Variants in KDM1B observed in about 807,000 individuals in gnomAD.
The protein encoded by KDM1B is lysine-specific histone demethylase 2.
KDM1B carries 63 observed loss-of-function variants against 107.4 expected under a neutral mutation model. The observed-to-expected ratio is 0.59, with a 90% CI of 0.48 to 0.72. The LOEUF is 0.72. Ranked by LOEUF, KDM1B falls within the 30% of genes least tolerant of loss-of-function variation. The probability of loss-of-function intolerance (pLI) is 0.00; values close to 1 mark genes in which losing one functional copy is unlikely to be tolerated. For synonymous variants in KDM1B, 363 were observed against 363.9 expected, an observed-to-expected ratio of 1.00 and a Z score of 0.03; for missense variants, 749 against 1,020.8, an observed-to-expected ratio of 0.73 and a Z score of 3.63.
At chr6:18,207,561 G>T in intron 16 of KDM1B, 32 bp downstream of exon 16, 1 of 1,612,216 alleles carries the variant, frequency 6.2e-7, no homozygotes, top group Non-Finnish European at 8.5e-7. Flanking sequence ...GCTCTGGCTC[G>T]CCTTGTTTGG....
chr6:18,185,696 C>T lies in KDM1B; in HGVS notation c.535-76C>T. ...CAGCCTGATAGGTGAAAAGAGATAT[C>T]TTATTGAAGATAAATGGATACCTGA... On this transcript the variant is annotated intron_variant, in intron 7 of 21. Transcript: ENST00000650836. 4 of 1,251,456 alleles carry T rather than the reference C, an allele frequency of 3.2e-6. No homozygotes were observed. The Admixed American group carries it at 6.8e-5, about 21-fold the overall frequency. 77.5% of individuals were successfully genotyped at this position (1,251,456 alleles called of 1,614,324 possible).
rs543621089 is a variant in KDM1B at position 18,188,774 on chromosome 6, T to G, written c.784+772T>G. ...GACTCCAAGCACGTGCCACTACAGC[T>G]GGTTAATTTTTTTTTTTTTTTCTTT... is the stretch of plus-strand genomic sequence containing the variant. On this transcript the variant is annotated intron_variant, in intron 9 of 21. Transcript: ENST00000650836. 2.7e-3 allele frequency among the ~76,000 whole-genome samples: 356 copies of G among 133,012 alleles called. 1 individual carries two copies. The highest frequency in any genetic ancestry group is 9.7e-3 in the African/African-American group (336 of 34,684). 87.3% of individuals were successfully genotyped at this position (133,012 alleles called of 152,430 possible). A position where few individuals can be genotyped will look rare whatever the true frequency, so the allele number is the denominator to read the frequency against.
At chr6:18,215,788 G>A (rs182568345) in intron 20 of KDM1B, among the ~76,000 whole-genome samples, 13 of 140,316 alleles carry the variant, frequency 9.3e-5, no homozygotes, top group Admixed American at 6.7e-4. Flanking sequence ...TATTTTCTAC[G>A]TGGATTCTAT....
intron 3 of KDM1B, 129 bp downstream of exon 3, chr6:18,160,111 A>G (rs1385581771): frequency 1.6e-6 from 1 of 618,146 alleles, no homozygotes; most frequent in African/African-American, 1.9e-5. Context: ...AGAAATTCTC[A>G]GTACGGTCAT....
rs200055755 is a variant in KDM1B at position 18,200,432 on chromosome 6, T to A, written c.1222-7T>A. 5.0e-5 allele frequency: 80 copies of A among 1,613,070 alleles called. No homozygotes were observed. The East Asian group carries it at 1.8e-3, about 36-fold the overall frequency. ...TATTTAGCTTCCCTGACTGTCTGTC[T>A]TTTTAGGTGACTGTCCTGGAAGCCA... is the stretch of plus-strand genomic sequence containing the variant. On this transcript the variant is annotated splice_region_variant and splice_polypyrimidine_tract_variant and intron_variant, in intron 12 of 21. Transcript: ENST00000650836. The surrounding 1 kb of genome is among the most constrained non-coding windows in gnomAD (Gnocchi z 4.3).
intron 10 of KDM1B, among the ~76,000 whole-genome samples, chr6:18,195,656 A>G (rs1787593381): frequency 6.7e-6 from 1 of 148,642 alleles, no homozygotes; most frequent in Non-Finnish European, 1.5e-5. Context: ...AATCATTTGA[A>G]CCCGGGAGGC....
intron 21 of KDM1B, among the ~76,000 whole-genome samples, chr6:18,220,977 C>T (rs1043192176): frequency 1.3e-5 from 2 of 151,934 alleles, no homozygotes; most frequent in African/African-American, 4.8e-5. Flanking sequence ...TCTTGAACTC[C>T]TGACCTCAGG....
At chr6:18,165,128 ATTTTTTTT>A (rs35906579) in intron 5 of KDM1B, among the ~76,000 whole-genome samples, 1 of 81,570 alleles carries the variant, frequency 1.2e-5, no homozygotes, top group African/African-American at 4.9e-5. Context: ...GCCTTCTCTG[ATTTTTTTT>A]TTTTTTTTTT....
intron 3 of KDM1B, among the ~76,000 whole-genome samples, chr6:18,160,463 C>T (rs573105336): frequency 4.6e-5 from 7 of 152,280 alleles, no homozygotes; most frequent in South Asian, 4.1e-4. Context: ...GGGCCAGGCA[C>T]GGTGGCTTAC....
At position 18,207,388 on chromosome 6, in the gene KDM1B, T is replaced by C; in HGVS notation, c.1660-10T>C. ...ACACTGCTGTGTCCCCAACCTCTCT[T>C]GTTTCCCAGGTATCTGCTCGCTCGT... is the stretch of plus-strand genomic sequence containing the variant. On this transcript the variant is annotated splice_polypyrimidine_tract_variant and intron_variant, in intron 15 of 21. Coordinates refer to ENST00000650836, the MANE Select transcript of KDM1B (RefSeq NM_001364614.2). The C allele has an allele frequency of 1.2e-6, 2 of 1,613,908 alleles. No individual in the cohort carries two copies. The highest frequency in any genetic ancestry group is 1.7e-6 in the Non-Finnish European group (2 of 1,179,878).
chr6:18,187,103 C>T (rs1786916858), intron 8 of KDM1B, among the ~76,000 whole-genome samples: 1 of 151,928 alleles, frequency 6.6e-6, no homozygotes, highest in Admixed American at 6.6e-5. Context: ...TGGATTGTGG[C>T]AGTGTTGCTT....
rs958291580 is a variant in KDM1B at position 18,212,674 on chromosome 6, T to G, written c.1983+70T>G. 6 of 966,632 alleles carry G rather than the reference T, an allele frequency of 6.2e-6. No individual in the cohort carries two copies. The highest frequency in any genetic ancestry group is 1.0e-5 in the Non-Finnish European group (6 of 591,148). The allele number at this position is 966,632 out of a possible 1,614,324, so 59.9% of individuals were successfully genotyped here. A position where few individuals can be genotyped will look rare whatever the true frequency, so the allele number is the denominator to read the frequency against. ...AGATGATAGATGTTAACTTCTGATA[T>G]GGAGAAGTAGTGGGTACTATCTAAA... is the stretch of plus-strand genomic sequence containing the variant. On this transcript the variant is annotated intron_variant, in intron 18 of 21. Transcript: ENST00000650836. The surrounding 1 kb of genome is among the most constrained non-coding windows in gnomAD (Gnocchi z 5.2).
intron 7 of KDM1B, among the ~76,000 whole-genome samples, chr6:18,174,119 G>A (rs895310524): frequency 2.6e-5 from 4 of 152,186 alleles, no homozygotes; most frequent in Non-Finnish European, 5.9e-5. Flanking sequence ...TCAATTGGCC[G>A]TATGTGTGTA....
At position 18,205,731 on chromosome 6, in the gene KDM1B, C is replaced by T. The variant is rs368544551; in HGVS notation, c.1659+67C>T. 4.3e-4 allele frequency: 593 copies of T among 1,391,442 alleles called. 2 individuals carry two copies. The Middle Eastern group carries it at 5.4e-3, about 13-fold the overall frequency. The allele number at this position is 1,391,442 out of a possible 1,614,324, so 86.2% of individuals were successfully genotyped here. A position where few individuals can be genotyped will look rare whatever the true frequency, so the allele number is the denominator to read the frequency against. On this transcript the variant is annotated intron_variant, in intron 15 of 21. Transcript: ENST00000650836. The surrounding 1 kb of genome is among the most constrained non-coding windows in gnomAD (Gnocchi z 5.7). Reference sequence around the variant, plus strand: ...GGTTTAGGCCGGGCGCAGTGGCTCACGCCTGTAATCCCAGCACTTTGGGAG... The same window carrying T: ...GGTTTAGGCCGGGCGCAGTGGCTCATGCCTGTAATCCCAGCACTTTGGGAG...
chr6:18,194,361 A>G (rs1309489139), intron 10 of KDM1B, among the ~76,000 whole-genome samples: 1 of 151,916 alleles, frequency 6.6e-6, no homozygotes, highest in Non-Finnish European at 1.5e-5. Context: ...ACAAGAATCC[A>G]GCTTTTTCTG....
At chr6:18,184,468 T>G (rs1265544849) in intron 7 of KDM1B, among the ~76,000 whole-genome samples, 1 of 151,616 alleles carries the variant, frequency 6.6e-6, no homozygotes, top group Non-Finnish European at 1.5e-5. Flanking sequence ...AGAGACGAGG[T>G]TTCACCATGT....
chr6:18,157,375 C>T (rs1784688582), intron 2 of KDM1B, among the ~76,000 whole-genome samples: 1 of 152,060 alleles, frequency 6.6e-6, no homozygotes, highest in Admixed American at 6.6e-5. Context: ...TCCTTGTTAA[C>T]CATTTCTTGA....
chr6:18,215,113 A>T lies in KDM1B; in HGVS notation c.2216A>T (p.Glu739Val). ...VLQQCMATLRELFKEQEVPDP... is the reference protein window; with the variant it reads ...VLQQCMATLRVLFKEQEVPDP... ...CAGCAGTGCATGGCCACGCTCCGGG[A>T]GCTGTTCAAGGAGCAGGTGAGAGAG... The change falls in exon 20 of 22, where the codon GAG becomes GTG. Residue 739 changes from glutamate (E) to valine (V), a missense_variant. Transcript: ENST00000650836. 6.2e-7 allele frequency: 1 copy of T among 1,612,920 alleles called. No individual in the cohort carries two copies. Among genetic ancestry groups the T allele is most frequent in the Admixed American group, 1.7e-5 (1 of 60,004 alleles).
At position 18,172,865 on chromosome 6, in the gene KDM1B, G is replaced by A. The variant is rs962027232; in HGVS notation, c.534+1386G>A. 4.6e-5 allele frequency among the ~76,000 whole-genome samples: 7 copies of A among 152,004 alleles called. No homozygotes were observed. The highest frequency in any genetic ancestry group is 1.3e-4 in the Admixed American group (2 of 15,236). Reference sequence around the variant, plus strand: ...AGCACTTTGGGAGGCCGAGATGGGCGGATCACCCGAGGTCAGGAGTTCAAG... The same window carrying A: ...AGCACTTTGGGAGGCCGAGATGGGCAGATCACCCGAGGTCAGGAGTTCAAG... On this transcript the variant is annotated intron_variant, in intron 7 of 21. Coordinates refer to ENST00000650836, the MANE Select transcript of KDM1B (RefSeq NM_001364614.2). The surrounding 1 kb of genome is among the most constrained non-coding windows in gnomAD (Gnocchi z 5.2).
Sources: allele counts gnomAD v4.1 joint callset (sites outside exome capture counted in the v4.1 genomes callset), GRCh38; gene constraint gnomAD v4.1.1; non-coding constraint Gnocchi (gnomAD v3.1); transcripts MANE v1.5; gene names NCBI Gene and HGNC (gene_info 2026-07-23, HGNC 2026-07-21).